Variants in USF2 observed in about 807,000 individuals in gnomAD.
The protein encoded by USF2 is upstream stimulatory factor 2.
In USF2, 16 loss-of-function variants were observed where a neutral mutation model predicts 46.9. The observed-to-expected ratio is 0.34, with a 90% CI of 0.23 to 0.52. The LOEUF is 0.52. Ranked by LOEUF, USF2 falls within the 20% of genes least tolerant of loss-of-function variation. The pLI, the probability that USF2 is intolerant of heterozygous loss-of-function variation, is 0.96. For missense variants in USF2, 411 were observed against 474.0 expected, an observed-to-expected ratio of 0.87 and a Z score of 1.23; for synonymous variants, 239 against 194.1, an observed-to-expected ratio of 1.23 and a Z score of -1.92.
At position 35,279,422 on chromosome 19, in the gene USF2, GC is replaced by G; in HGVS notation, c.*169del. 1.4e-6 allele frequency: 1 copy of G among 719,358 alleles called. No homozygotes were observed. 44.6% of individuals were successfully genotyped at this position (719,358 alleles called of 1,614,324 possible). A position where few individuals can be genotyped will look rare whatever the true frequency, so the allele number is the denominator to read the frequency against. On this transcript the variant is annotated 3_prime_UTR_variant, in exon 10 of 10. Transcript: ENST00000222305. The stretch of plus-strand genomic sequence containing the variant: ...AATAATGCATTTCTGTGGATACAGT[GC>G]CCACCGCCCTCCTCCACTTGGAAAC...
In USF2 at chr19:35,279,766, TAGAG is replaced by T. The variant is rs71735991; in HGVS notation, c.*517_*520del. ...TATGGAAAAATTGACAAAAAAAAAA[TAGAG>T]AGAGAGGTATTTAACTGCAATAAAC... is the stretch of plus-strand genomic sequence containing the variant. On this transcript the variant is annotated 3_prime_UTR_variant, in exon 10 of 10. Transcript: ENST00000222305. 0.045 allele frequency: 6,917 copies of T among 154,026 alleles called. 279 individuals are homozygous for T. The highest frequency in any genetic ancestry group is 0.11 in the African/African-American group (4,481 of 41,242). 9.5% of individuals were successfully genotyped at this position (154,026 alleles called of 1,614,324 possible).
intron 7 of USF2, among the ~76,000 whole-genome samples, chr19:35,271,430 A>C (rs543652575): frequency 1.2e-4 from 19 of 152,218 alleles, no homozygotes; most frequent in African/African-American, 4.6e-4. Flanking sequence ...TCCCATACGG[A>C]TTGCCTGCCC....
intron 7 of USF2, chr19:35,278,126 C>T (rs2066260073): frequency 1.3e-5 from 2 of 152,602 alleles, no homozygotes. Context: ...TCTGCCATTG[C>T]CCTGTGGAAG....
chr19:35,271,277 T>C lies in USF2; in HGVS notation c.727+136T>C, dbSNP rs907984960. On this transcript the variant is annotated intron_variant, in intron 7 of 9. Transcript: ENST00000222305. Reference sequence around the variant, plus strand: ...TGCTCCAGAGGGCTTTGCTGGACGCTGTAAAGGTAGAAAGTGAGCAACGAG... The same window carrying C: ...TGCTCCAGAGGGCTTTGCTGGACGCCGTAAAGGTAGAAAGTGAGCAACGAG... The C allele has an allele frequency of 1.2e-5, 12 of 979,676 alleles. No homozygotes were observed. In the Admixed American group the frequency reaches 1.2e-4, roughly 10 times the overall value. 60.7% of individuals were successfully genotyped at this position (979,676 alleles called of 1,614,324 possible).
At chr19:35,273,586 C>G (rs1311423133) in intron 7 of USF2, among the ~76,000 whole-genome samples, 3 of 152,128 alleles carry the variant, frequency 2.0e-5, no homozygotes, top group African/African-American at 7.2e-5. Context: ...AGAAGGGGGT[C>G]TCACTCTGTC....
chr19:35,275,415 A>G (rs541492642), intron 7 of USF2: 1 of 141,338 alleles, frequency 7.1e-6, no homozygotes, highest in African/African-American at 2.6e-5. Flanking sequence ...CCCCAACCCC[A>G]GCTTTTTAAG....
At chr19:35,271,274 C>T (rs528361712) in intron 7 of USF2, 133 bp downstream of exon 7, 21 of 1,008,796 alleles carry the variant, frequency 2.1e-5, no homozygotes, top group South Asian at 8.8e-5. Flanking sequence ...CTTTGCTGGA[C>T]GCTGTAAAGG....
intron 7 of USF2, among the ~76,000 whole-genome samples, chr19:35,273,059 C>G (rs76275100): frequency 6.6e-6 from 1 of 151,888 alleles, no homozygotes; most frequent in African/African-American, 2.4e-5. Context: ...CCACCCCACT[C>G]TCACCCCCGC....
chr19:35,269,178 C>A lies in USF2; in HGVS notation c.62+15C>A. 1.0e-6 allele frequency: 1 copy of A among 1,004,228 alleles called. No individual in the cohort carries two copies. The highest frequency in any genetic ancestry group is 4.1e-5 in the South Asian group (1 of 24,386). The allele number at this position is 1,004,228 out of a possible 1,614,324, so 62.2% of individuals were successfully genotyped here. A position where few individuals can be genotyped will look rare whatever the true frequency, so the allele number is the denominator to read the frequency against. On this transcript the variant is annotated intron_variant, in intron 1 of 9. Coordinates refer to ENST00000222305, the MANE Select transcript of USF2 (RefSeq NM_003367.4). ...GCCGCCGCCAGGTAAGATCCCCGGC[C>A]CGGCCGTGCCCCCGCGCCCCGGCCC...
Position 35,270,513 on chromosome 19 carries a change from C to G in USF2, c.496C>G (p.Arg166Gly). Residue 166 changes from arginine to glycine, a missense_variant, in exon 5 of 10, where the codon CGA becomes GGA. Physicochemically the swap from Arg to Gly is moderately radical, Grantham distance 125. Coordinates refer to ENST00000222305, the MANE Select transcript of USF2 (RefSeq NM_003367.4). ...PAAEAVSGEA[R>G]FAYFPASSVG... ...GGCCGAGGCTGTCAGCGGGGAGGCACGATTTGCCTATTTCCCAGCGTCCAG... is the reference window on the plus strand; with the variant it reads ...GGCCGAGGCTGTCAGCGGGGAGGCAGGATTTGCCTATTTCCCAGCGTCCAG... 1 of 1,614,118 alleles carries G rather than the reference C, an allele frequency of 6.2e-7. No individual in the cohort carries two copies. Among genetic ancestry groups the G allele is most frequent in the Non-Finnish European group, 8.5e-7 (1 of 1,180,018 alleles).
intron 4 of USF2, 125 bp downstream of exon 4, chr19:35,270,128 C>G (rs2066128295): frequency 8.8e-7 from 1 of 1,130,348 alleles, no homozygotes; most frequent in South Asian, 2.1e-5. Flanking sequence ...AGGCCTCAGG[C>G]TGCATGGGGC....
chr19:35,271,264 C>A (rs1164228787), intron 7 of USF2, 123 bp downstream of exon 7: 2 of 1,088,716 alleles, frequency 1.8e-6, no homozygotes, highest in Non-Finnish European at 1.4e-6. Flanking sequence ...CTCCAGAGGG[C>A]TTTGCTGGAC....
chr19:35,271,087 A>G lies in USF2; in HGVS notation c.673A>G (p.Ile225Val). ...APRTHPYSPK[I>V]DGTRTPRDER... ...TTTTTTTTCCTCCTCTTGTAGAAAA[A>G]TTGATGGAACCAGAACACCCCGAGA... Residue 225 changes from isoleucine to valine, a missense_variant, in exon 7 of 10, where the codon ATT becomes GTT. By Grantham distance (29) the Ile-to-Val change is conservative (BLOSUM62 3). Around this residue, in one of 2 missense-constraint regions of USF2, gnomAD observed 318 missense variants for 322.4 expected, o/e 0.99. Coordinates refer to ENST00000222305, the MANE Select transcript of USF2 (RefSeq NM_003367.4). The G allele has an allele frequency of 6.2e-7, 1 of 1,613,962 alleles. No homozygotes were observed. The highest frequency in any genetic ancestry group is 8.5e-7 in the Non-Finnish European group (1 of 1,179,962).
intron 6 of USF2, 43 bp downstream of exon 6, chr19:35,270,848 A>G (rs1568457232): frequency 6.2e-7 from 1 of 1,610,546 alleles, no homozygotes; most frequent in South Asian, 1.1e-5. Context: ...TTGAAATGGA[A>G]GGAAGAGGGG....
At chr19:35,278,661 G>A (rs747790102) in intron 7 of USF2, 37 bp from the exon 8 acceptor site, 13 of 1,607,802 alleles carry the variant, frequency 8.1e-6, no homozygotes, top group Middle Eastern at 1.6e-4. Context: ...GGCATGATCC[G>A]TCAGCGAAGC....
intron 6 of USF2, 120 bp from the exon 7 acceptor site, chr19:35,270,963 T>A (rs1190208522): frequency 6.8e-7 from 1 of 1,469,200 alleles, no homozygotes; most frequent in Non-Finnish European, 9.4e-7. Flanking sequence ...GTATCATGTC[T>A]TTTGTTTTTG....
rs971750586 is a variant in USF2, at chr19:35,274,467, C to T, written c.727+3326C>T. ...CACAGACTCAAATGCCTGCAGGGGC[C>T]TGAGGGAGGGAGGTGCACTTGGCAT... On this transcript the variant is annotated intron_variant, in intron 7 of 9. Transcript: ENST00000222305. Among the ~76,000 whole-genome samples the T allele has an allele frequency of 9.9e-5, 15 of 152,190 alleles. 1 individual carries two copies. The highest frequency in any genetic ancestry group is 7.9e-4 in the Admixed American group (12 of 15,282).
Position 35,271,701 on chromosome 19 carries a change from C to T in USF2, c.727+560C>T, listed in dbSNP as rs138545241. 4.2e-3 allele frequency among the ~76,000 whole-genome samples: 633 copies of T among 152,356 alleles called. 6 individuals are homozygous for T. Among genetic ancestry groups the T allele is most frequent in the African/African-American group, 0.014 (599 of 41,584 alleles). ...CTGTCCCGCCCCGCCTGTCAGTAGC[C>T]ACTGCAGTGGGCACAGCACTGTGCA... On this transcript the variant is annotated intron_variant, in intron 7 of 9. Coordinates refer to ENST00000222305, the MANE Select transcript of USF2 (RefSeq NM_003367.4).
chr19:35,270,683 C>T (rs1446143322), intron 5 of USF2, 35 bp from the exon 6 acceptor site: 4 of 1,613,290 alleles, frequency 2.5e-6, no homozygotes, highest in Non-Finnish European at 2.5e-6. Flanking sequence ...CTGACTTCAC[C>T]CTGCCTTGCC....
Sources: gnomAD v4.1 joint callset for allele counts (sites outside exome capture counted in the v4.1 genomes callset) on GRCh38, gnomAD v4.1.1 for gene constraint, gnomAD v4.1.1 regional missense constraint, MANE v1.5 for transcripts, NCBI Gene and HGNC (gene_info 2026-07-23, HGNC 2026-07-21) for gene names.